The following FUT8 variants were observed in gnomAD, a reference collection of about 807,000 sequenced individuals.
FUT8 encodes the protein fucosyltransferase 8, also known as alpha-(1,6)-fucosyltransferase.
In FUT8, 29 loss-of-function variants were observed where a neutral mutation model predicts 71.3. That is an observed-to-expected ratio of 0.41 (90% CI 0.30 to 0.55). The LOEUF is 0.55. Ranked by LOEUF, FUT8 falls within the 20% of genes least tolerant of loss-of-function variation. The pLI is 0.34. For missense variants in FUT8, 544 were observed against 702.1 expected, an observed-to-expected ratio of 0.77 and a Z score of 2.55; for synonymous variants, 254 against 239.3, an observed-to-expected ratio of 1.06 and a Z score of -0.57.
intron 7 of FUT8, among the ~76,000 whole-genome samples, chr14:65,704,434 T>G (rs1894461317): frequency 6.6e-6 from 1 of 152,184 alleles, no homozygotes; most frequent in Non-Finnish European, 1.5e-5. Context: ...TCCTACTGCT[T>G]TCTGTTCCTA....
intron 6 of FUT8, among the ~76,000 whole-genome samples, chr14:65,657,867 T>G (rs67957534): frequency 0.36 from 54,901 of 152,042 alleles, 12,024 homozygotes; most frequent in Non-Finnish European, 0.5. Flanking sequence ...TTTACCCTGA[T>G]GTGATTTTTC....
chr14:65,507,532 A>G (rs1026826278), intron 2 of FUT8, among the ~76,000 whole-genome samples: 1 of 152,196 alleles, frequency 6.6e-6, no homozygotes, highest in African/African-American at 2.4e-5. Context: ...TTTAGATCCC[A>G]CAAATAAGTG....
At chr14:65,525,404 A>G (rs1883385090) in intron 2 of FUT8, among the ~76,000 whole-genome samples, 1 of 151,990 alleles carries the variant, frequency 6.6e-6, no homozygotes, top group African/African-American at 2.4e-5. Context: ...GGGATTGGTG[A>G]TGATATCCCC....
chr14:65,560,347 GAAA>G (rs565690197), intron 2 of FUT8, among the ~76,000 whole-genome samples: 5 of 151,374 alleles, frequency 3.3e-5, no homozygotes, highest in African/African-American at 9.7e-5. Context: ...TAAAATTAAA[GAAA>G]AAAAAATTTT....
intron 2 of FUT8, among the ~76,000 whole-genome samples, chr14:65,522,308 A>G (rs1883134868): frequency 6.6e-6 from 1 of 152,174 alleles, no homozygotes; most frequent in Non-Finnish European, 1.5e-5. Context: ...TTTACACCAT[A>G]AACATTTTCT....
At chr14:65,721,244 T>TA (rs34050977) in intron 7 of FUT8, among the ~76,000 whole-genome samples, 83,849 of 146,782 alleles carry the variant, frequency 0.57, 23,762 homozygotes, top group Non-Finnish European at 0.59. Flanking sequence ...TCCAATAGAT[T>TA]AAAAAAAAAA....
intron 6 of FUT8, among the ~76,000 whole-genome samples, chr14:65,639,052 A>C (rs1441359522): frequency 6.6e-6 from 1 of 152,218 alleles, no homozygotes; most frequent in Non-Finnish European, 1.5e-5. Flanking sequence ...GTTTCTCAGA[A>C]GTAAAACCTA....
the FUT8 span, among the ~76,000 whole-genome samples, chr14:65,373,912 G>A: frequency 6.6e-6 from 1 of 152,146 alleles, no homozygotes; most frequent in African/African-American, 2.4e-5. Context: ...TGCAGGAGTG[G>A]GGCACGGACA....
chr14:65,397,657 G>C, the FUT8 span, among the ~76,000 whole-genome samples: 2 of 152,258 alleles, frequency 1.3e-5, no homozygotes, highest in African/African-American at 4.8e-5. This position sits in a 1 kb window ranked among gnomAD's most constrained non-coding sequence, Gnocchi z 4.2. Flanking sequence ...ACAGCATACT[G>C]TTCAGGGCTG....
chr14:65,696,645 A>G (rs924537577), intron 7 of FUT8, among the ~76,000 whole-genome samples: 1 of 151,934 alleles, frequency 6.6e-6, no homozygotes, highest in Non-Finnish European at 1.5e-5. Flanking sequence ...ATTCTCAGGC[A>G]TTATTATTTC....
At chr14:65,519,038 T>C (rs1882905976) in intron 2 of FUT8, among the ~76,000 whole-genome samples, 1 of 152,122 alleles carries the variant, frequency 6.6e-6, no homozygotes, top group Non-Finnish European at 1.5e-5. Context: ...AATACAGCAA[T>C]GATAAATTAG....
chr14:65,552,388 A>T (rs1188133007), intron 2 of FUT8, among the ~76,000 whole-genome samples: 1 of 152,164 alleles, frequency 6.6e-6, no homozygotes, highest in Non-Finnish European at 1.5e-5. Context: ...ATAGAAATTG[A>T]ATGATTAGTT....
intron 9 of FUT8, among the ~76,000 whole-genome samples, chr14:65,730,371 C>T (rs1241303721): frequency 1.3e-5 from 2 of 152,128 alleles, no homozygotes; most frequent in Non-Finnish European, 2.9e-5. Flanking sequence ...CTTCAGATTT[C>T]TGCATGTTAA....
At chr14:65,616,141 C>CCCAT in intron 4 of FUT8, 48 bp downstream of exon 4, 1 of 1,593,878 alleles carries the variant, frequency 6.3e-7, no homozygotes, top group Admixed American at 1.8e-5. Flanking sequence ...TGGGCTTTAG[C>CCCAT]ACAGATAATT....
Position 65,629,510 on chromosome 14 carries a change from A to G in FUT8, c.501A>G (p.Leu167=), listed in dbSNP as rs1845828623. 3 of 1,613,348 alleles carry G rather than the reference A, an allele frequency of 1.9e-6. No individual in the cohort carries two copies. Among genetic ancestry groups the G allele is most frequent in the Admixed American group, 1.7e-5 (1 of 59,996 alleles). Reference sequence around the variant, plus strand: ...TTAACAGGTCTATAATGACGGATCTATACTACCTCAGTCAGACAGATGGAG... The same window carrying G: ...TTAACAGGTCTATAATGACGGATCTGTACTACCTCAGTCAGACAGATGGAG... The part of the protein sequence containing the change: ...GHHERSIMTD[L]YYLSQTDGAG... Residue 167 remains leucine (L), a synonymous_variant, in exon 6 of 11, where the codon CTA becomes CTG. Transcript: ENST00000673929.
chr14:65,623,639 A>G (rs1047221381), intron 5 of FUT8, among the ~76,000 whole-genome samples: 1 of 152,146 alleles, frequency 6.6e-6, no homozygotes, highest in Non-Finnish European at 1.5e-5. Context: ...AATTGCTTCA[A>G]CCCAGGAGGC....
intron 6 of FUT8, among the ~76,000 whole-genome samples, chr14:65,632,807 AGGGTTCTTCCAAT>A (rs1890261118): frequency 6.6e-6 from 1 of 152,210 alleles, no homozygotes; most frequent in Non-Finnish European, 1.5e-5. Flanking sequence ...AGTGTCTAGA[AGGGTTCTTCCAAT>A]GTTATCTTCT....
At chr14:65,416,660 T>C (rs1193090647) in intron 1 of FUT8, among the ~76,000 whole-genome samples, 2 of 152,160 alleles carry the variant, frequency 1.3e-5, no homozygotes, top group African/African-American at 4.8e-5. Context: ...ATTAAACATA[T>C]TTAAAAGTAA....
intron 5 of FUT8, 135 bp downstream of exon 5, chr14:65,616,508 C>A: frequency 1.4e-6 from 1 of 692,872 alleles, no homozygotes; most frequent in Non-Finnish European, 2.2e-6. Context: ...CGAAGAGTAC[C>A]TGAGGTCCCA....
Sources: gnomAD v4.1 joint callset for allele counts (sites outside exome capture counted in the v4.1 genomes callset) on GRCh38, gnomAD v4.1.1 for gene constraint, Gnocchi (gnomAD v3.1) non-coding constraint, MANE v1.5 for transcripts, NCBI Gene and HGNC (gene_info 2026-07-23, HGNC 2026-07-21) for gene names.